The following L2HGDH variants were observed in gnomAD, a reference collection of about 807,000 sequenced individuals.
The protein encoded by L2HGDH is L-2-hydroxyglutarate dehydrogenase.
L2HGDH carries 34 observed loss-of-function variants against 51.5 expected under a neutral mutation model. That is an observed-to-expected ratio of 0.66 (90% CI 0.50 to 0.88). The LOEUF (loss-of-function observed/expected upper bound fraction) is 0.88. Ranked by LOEUF, L2HGDH falls within the 40% of genes least tolerant of loss-of-function variation. The pLI is 0.00. For synonymous variants in L2HGDH, 198 were observed against 197.9 expected (o/e 1.00, Z -0.01); for missense variants, 558 against 571.9 (o/e 0.98, Z 0.25).
intron 9 of L2HGDH, among the ~76,000 whole-genome samples, chr14:50,260,446 T>C (rs1001753072): frequency 1.3e-5 from 2 of 152,154 alleles, no homozygotes; most frequent in African/African-American, 4.8e-5. Context: ...AAGATCTACA[T>C]ATTTTATACG....
At chr14:50,262,188 C>T (rs550091503) in intron 9 of L2HGDH, among the ~76,000 whole-genome samples, 210 of 152,198 alleles carry the variant, frequency 1.4e-3, no homozygotes, top group Non-Finnish European at 2.6e-3. Context: ...AATCCCAGCA[C>T]TTTGGGAGGC....
At chr14:50,294,843 G>C (rs1479787750) in intron 3 of L2HGDH, among the ~76,000 whole-genome samples, 1 of 152,088 alleles carries the variant, frequency 6.6e-6, no homozygotes, top group Non-Finnish European at 1.5e-5. Flanking sequence ...CTGAGGTACA[G>C]TTTCTTCTTT....
At chr14:50,255,293 G>C (rs1299874463) in intron 9 of L2HGDH, among the ~76,000 whole-genome samples, 1 of 151,898 alleles carries the variant, frequency 6.6e-6, no homozygotes, top group African/African-American at 2.4e-5. Context: ...CCAGAACTTC[G>C]AGAGGCCAAA....
chr14:50,283,724 T>G lies in L2HGDH; in HGVS notation c.703+147A>C, dbSNP rs1890403491. ...TATTTTTTTGTTATACTATCTTTTT[T>G]ATTTGTATTATGTATTATTCTACTA... is the stretch of plus-strand genomic sequence containing the variant. On this transcript the variant is annotated intron_variant, in intron 5 of 9. Transcript: ENST00000267436. The G allele has an allele frequency of 9.4e-6, 6 of 636,782 alleles. No homozygotes were observed. In the South Asian group the frequency reaches 1.3e-4, roughly 14 times the overall value. 39.4% of individuals were successfully genotyped at this position (636,782 alleles called of 1,614,324 possible).
chr14:50,259,010 C>CTTTTTTT (rs554295046), intron 9 of L2HGDH, among the ~76,000 whole-genome samples: 5 of 121,508 alleles, frequency 4.1e-5, no homozygotes, highest in African/African-American at 1.6e-4. Context: ...ACGCCAGGCT[C>CTTTTTTT]TTTTTTTTTT....
rs374193979 is a variant in L2HGDH at position 50,244,361 on chromosome 14, G to T, written c.*2697C>A. 1.0e-6 allele frequency: 1 copy of T among 984,072 alleles called. No individual in the cohort carries two copies. Among genetic ancestry groups the T allele is most frequent in the Non-Finnish European group, 1.2e-6 (1 of 828,770 alleles). The allele number at this position is 984,072 out of a possible 1,614,324, so 61.0% of individuals were successfully genotyped here. A position where few individuals can be genotyped will look rare whatever the true frequency, so the allele number is the denominator to read the frequency against. On this transcript the variant is annotated 3_prime_UTR_variant, in exon 10 of 10. Transcript: ENST00000267436. Reference sequence around the variant, plus strand: ...CAGCACCTGTTGTTTCCTTTTCAGGGTATTGTACAGACTCAAATGGATTGA... The same window carrying T: ...CAGCACCTGTTGTTTCCTTTTCAGGTTATTGTACAGACTCAAATGGATTGA...
chr14:50,273,647 A>C (rs777604164), intron 6 of L2HGDH, among the ~76,000 whole-genome samples: 8 of 152,184 alleles, frequency 5.3e-5, no homozygotes, highest in Non-Finnish European at 1.0e-4. Context: ...TGCACAGCAA[A>C]AGAAATGACA....
At chr14:50,261,231 A>G (rs945831012) in intron 9 of L2HGDH, among the ~76,000 whole-genome samples, 77 of 152,210 alleles carry the variant, frequency 5.1e-4, no homozygotes, top group Non-Finnish European at 5.9e-5. Flanking sequence ...ACCATAAGCC[A>G]TTACAACTTT....
intron 9 of L2HGDH, among the ~76,000 whole-genome samples, chr14:50,257,845 T>C (rs1025323953): frequency 2.0e-5 from 3 of 151,468 alleles, no homozygotes; most frequent in Non-Finnish European, 4.4e-5. Context: ...CTATTACCCA[T>C]AGTTGTTGGA....
intron 4 of L2HGDH, among the ~76,000 whole-genome samples, chr14:50,290,040 C>T (rs893742567): frequency 1.6e-4 from 24 of 151,970 alleles, no homozygotes; most frequent in Non-Finnish European, 1.5e-4. Context: ...CTGAGGCGGG[C>T]GGATCACGAG....
intron 6 of L2HGDH, among the ~76,000 whole-genome samples, chr14:50,272,812 T>C (rs1053747609): frequency 1.3e-5 from 2 of 152,196 alleles, no homozygotes; most frequent in Middle Eastern, 3.2e-3. Flanking sequence ...TCCTGCTAAA[T>C]TGCCTCCTTC....
intron 9 of L2HGDH, among the ~76,000 whole-genome samples, chr14:50,257,256 T>A (rs1257355917): frequency 2.0e-5 from 3 of 152,134 alleles, no homozygotes; most frequent in African/African-American, 7.2e-5. Flanking sequence ...TATGGATACA[T>A]CTTTATCTTG....
Position 50,284,052 on chromosome 14 carries a change from AAGATAAC to A in L2HGDH, c.541-26_541-20del, listed in dbSNP as rs1220821845. ...TTAGACCCTGAAACAGAATTATGAA[AAGATAAC>A]AGATAAGAGAAATAATACTTGCTAA... is the stretch of plus-strand genomic sequence containing the variant. On this transcript the variant is annotated intron_variant, in intron 4 of 9. Transcript: ENST00000267436. 3.1e-6 allele frequency: 5 copies of A among 1,604,860 alleles called. No individual in the cohort carries two copies. The highest frequency in any genetic ancestry group is 3.4e-6 in the Non-Finnish European group (4 of 1,171,980).
At chr14:50,249,882 C>CTTTTTTTTTTTTT (rs747924080) in intron 9 of L2HGDH, among the ~76,000 whole-genome samples, 2 of 68,912 alleles carry the variant, frequency 2.9e-5, no homozygotes, top group South Asian at 7.5e-4. Flanking sequence ...GCTTACACTC[C>CTTTTTTTTTTTTT]TTTTTTTTTT....
chr14:50,308,351 C>G (rs1240874448), intron 1 of L2HGDH, among the ~76,000 whole-genome samples: 1 of 149,198 alleles, frequency 6.7e-6, no homozygotes, highest in Non-Finnish European at 1.5e-5. Flanking sequence ...CGCGCCACTG[C>G]GCTCCAGCCT....
intron 5 of L2HGDH, among the ~76,000 whole-genome samples, chr14:50,280,040 A>G (rs1368697016): frequency 6.6e-6 from 1 of 150,518 alleles, no homozygotes; most frequent in Non-Finnish European, 1.5e-5. Flanking sequence ...AGCCTGGGCA[A>G]TAGGGTGAGA....
rs1382197955 is a variant in L2HGDH at position 50,244,705 on chromosome 14, A to T, written c.*2353T>A. 12 of 985,352 alleles carry T rather than the reference A, an allele frequency of 1.2e-5. No homozygotes were observed. The highest frequency in any genetic ancestry group is 1.4e-5 in the Non-Finnish European group (12 of 829,944). 61.0% of individuals were successfully genotyped at this position (985,352 alleles called of 1,614,324 possible). ...GAGCTGATGAAGTGTAGCCTTTCAA[A>T]TTAATGGATGAGGTAGCTCAATCAA... On this transcript the variant is annotated 3_prime_UTR_variant, in exon 10 of 10. Coordinates refer to ENST00000267436, the MANE Select transcript of L2HGDH (RefSeq NM_024884.3).
intron 9 of L2HGDH, among the ~76,000 whole-genome samples, chr14:50,262,322 C>T (rs532637277): frequency 9.9e-5 from 15 of 151,252 alleles, no homozygotes; most frequent in South Asian, 2.1e-4. Context: ...CCCAGCTACT[C>T]GGGAGGCTGA....
chr14:50,289,409 T>C (rs1184464537), intron 4 of L2HGDH, among the ~76,000 whole-genome samples: 1 of 152,032 alleles, frequency 6.6e-6, no homozygotes, highest in Non-Finnish European at 1.5e-5. Flanking sequence ...TAATCTATTA[T>C]CCTGTTTCTT....
Sources: allele counts gnomAD v4.1 joint callset (sites outside exome capture counted in the v4.1 genomes callset), GRCh38; gene constraint gnomAD v4.1.1; transcripts MANE v1.5; gene names NCBI Gene and HGNC (gene_info 2026-07-23, HGNC 2026-07-21).